GPBP1: variants seen among roughly 807,000 people sequenced by gnomAD.
The protein encoded by GPBP1 is vasculin.
A neutral mutation model predicts 56.5 loss-of-function variants in GPBP1; 13 were observed. That is an observed-to-expected ratio of 0.23 (90% CI 0.15 to 0.37). The LOEUF (loss-of-function observed/expected upper bound fraction) is 0.37, where lower values mean the gene tolerates loss of function less well. GPBP1 is among the 10% of genes least tolerant of loss of function. The probability of loss-of-function intolerance (pLI) is 1.00; values close to 1 mark genes in which losing one functional copy is unlikely to be tolerated. For missense variants in GPBP1, 477 were observed against 572.3 expected, an observed-to-expected ratio of 0.83 and a Z score of 1.70; for synonymous variants, 204 against 188.9, an observed-to-expected ratio of 1.08 and a Z score of -0.66.
At chr5:57,177,312 G>T (rs888120292) in intron 2 of GPBP1, among the ~76,000 whole-genome samples, 3 of 151,924 alleles carry the variant, frequency 2.0e-5, no homozygotes, top group African/African-American at 7.3e-5. Flanking sequence ...TAATTTTTCG[G>T]TGAATCATAG....
At chr5:57,205,116 T>G (rs1755174904) in intron 2 of GPBP1, among the ~76,000 whole-genome samples, 1 of 152,148 alleles carries the variant, frequency 6.6e-6, no homozygotes, top group African/African-American at 2.4e-5. Flanking sequence ...CATTCCACCC[T>G]CCCAACAGTC....
intron 5 of GPBP1, 145 bp from the exon 6 acceptor site, chr5:57,235,821 T>G: frequency 1.7e-6 from 1 of 601,776 alleles, no homozygotes; most frequent in East Asian, 3.1e-5. Context: ...GTTTCAGATT[T>G]TGTAGCTTTT....
chr5:57,185,779 C>T (rs368550810), intron 2 of GPBP1, among the ~76,000 whole-genome samples: 2 of 151,820 alleles, frequency 1.3e-5, no homozygotes. Flanking sequence ...GTGGGCAGAT[C>T]GCTTGAGCCC....
chr5:57,195,543 G>A (rs971450410), intron 2 of GPBP1, among the ~76,000 whole-genome samples: 2 of 152,068 alleles, frequency 1.3e-5, no homozygotes, highest in Non-Finnish European at 2.9e-5. Flanking sequence ...TGTAGTTAGC[G>A]AAGTTGTAGT....
In GPBP1 at chr5:57,249,397, A is replaced by G; in HGVS notation, c.805-12A>G. 6.4e-7 allele frequency: 1 copy of G among 1,571,794 alleles called. No homozygotes were observed. Among genetic ancestry groups the G allele is most frequent in the South Asian group, 1.2e-5 (1 of 84,824 alleles). ...GCTACATATTTATCAGTATTTCTGA[A>G]TTTCCTCTTAGTGTAATCGCTCAAA... is the stretch of plus-strand genomic sequence containing the variant. On this transcript the variant is annotated splice_polypyrimidine_tract_variant and intron_variant, in intron 8 of 11. Coordinates refer to ENST00000506184, the MANE Select transcript of GPBP1 (RefSeq NM_022913.4).
At chr5:57,237,416 T>C (rs920810616) in intron 6 of GPBP1, 3 of 469,840 alleles carry the variant, frequency 6.4e-6, no homozygotes, top group East Asian at 3.4e-5. Flanking sequence ...CAAAGACATA[T>C]TTGAAAATAA....
chr5:57,252,571 T>C (rs1400902919), intron 10 of GPBP1, among the ~76,000 whole-genome samples: 1 of 152,030 alleles, frequency 6.6e-6, no homozygotes, highest in Non-Finnish European at 1.5e-5. Context: ...TTGTATTTTT[T>C]TGTAGTGATG....
intron 2 of GPBP1, among the ~76,000 whole-genome samples, chr5:57,203,586 A>G (rs1326647715): frequency 6.6e-6 from 1 of 152,182 alleles, no homozygotes; most frequent in Non-Finnish European, 1.5e-5. Context: ...GGGATGTTCC[A>G]GTGACCCAAG....
At chr5:57,176,778 T>C (rs889719813) in intron 2 of GPBP1, among the ~76,000 whole-genome samples, 2 of 152,194 alleles carry the variant, frequency 1.3e-5, no homozygotes, top group Non-Finnish European at 2.9e-5. Flanking sequence ...GTTTGTATTC[T>C]AAATGCGTGT....
chr5:57,180,210 G>A (rs369657512), intron 2 of GPBP1, among the ~76,000 whole-genome samples: 2 of 152,184 alleles, frequency 1.3e-5, no homozygotes, highest in African/African-American at 4.8e-5. Context: ...CGCATCCCGG[G>A]TTCAAGTGAT....
At chr5:57,241,715 A>G (rs2111901028) in intron 6 of GPBP1, among the ~76,000 whole-genome samples, 1 of 152,316 alleles carries the variant, frequency 6.6e-6, no homozygotes, top group Middle Eastern at 3.4e-3. Context: ...TTGATGTAAT[A>G]AGCACATGAA....
chr5:57,209,655 A>G (rs1755389639), intron 2 of GPBP1, among the ~76,000 whole-genome samples: 2 of 152,084 alleles, frequency 1.3e-5, no homozygotes, highest in South Asian at 4.1e-4. Context: ...CAGGTTGAGC[A>G]AGTTTCCTTC....
chr5:57,201,267 C>A (rs974550351), intron 2 of GPBP1, among the ~76,000 whole-genome samples: 7 of 152,214 alleles, frequency 4.6e-5, no homozygotes, highest in African/African-American at 9.7e-5. Flanking sequence ...CTGGGACTTA[C>A]AAGTGTGTGC....
intron 2 of GPBP1, among the ~76,000 whole-genome samples, chr5:57,190,596 A>G: frequency 6.6e-6 from 1 of 151,562 alleles, no homozygotes; most frequent in East Asian, 1.9e-4. Context: ...TTAAAAAAAA[A>G]AAAAGAAAAA....
At chr5:57,238,035 A>T (rs1279402175) in intron 6 of GPBP1, among the ~76,000 whole-genome samples, 1 of 152,188 alleles carries the variant, frequency 6.6e-6, no homozygotes, top group Non-Finnish European at 1.5e-5. Flanking sequence ...CATGCAGCTT[A>T]TATCTGTGAC....
At chr5:57,259,012 G>C (rs1741779975) in intron 10 of GPBP1, among the ~76,000 whole-genome samples, 1 of 152,196 alleles carries the variant, frequency 6.6e-6, no homozygotes, top group African/African-American at 2.4e-5. Context: ...CTCTGTATTA[G>C]GTGTCATTGA....
At chr5:57,258,318 C>T (rs926337489) in intron 10 of GPBP1, among the ~76,000 whole-genome samples, 5 of 152,074 alleles carry the variant, frequency 3.3e-5, no homozygotes, top group East Asian at 3.9e-4. Flanking sequence ...TTTGTCATGG[C>T]GTGAAACTCA....
At chr5:57,208,423 G>C (rs1032530138) in intron 2 of GPBP1, among the ~76,000 whole-genome samples, 1 of 151,954 alleles carries the variant, frequency 6.6e-6, no homozygotes, top group Non-Finnish European at 1.5e-5. Flanking sequence ...TAGTAGGGAC[G>C]GGGTTCACCA....
In GPBP1 at chr5:57,187,003, AGTGTGTGT is replaced by A. The variant is rs66642664; in HGVS notation, c.-58+10632_-58+10639del. Among the ~76,000 whole-genome samples the A allele has an allele frequency of 9.2e-3, 1,350 of 146,768 alleles. 13 individuals carry two copies. Among genetic ancestry groups the A allele is most frequent in the African/African-American group, 0.028 (1,110 of 40,106 alleles). On this transcript the variant is annotated intron_variant, in intron 2 of 11. Transcript: ENST00000506184. ...GTGTGTCTATTTCTGGACTCAGAGA[AGTGTGTGT>A]GTGTGTGTGTGTGTGTGTGTGTGTG...
Sources: gnomAD v4.1 joint callset for allele counts (sites outside exome capture counted in the v4.1 genomes callset) on GRCh38, gnomAD v4.1.1 for gene constraint, MANE v1.5 for transcripts, NCBI Gene and HGNC (gene_info 2026-07-23, HGNC 2026-07-21) for gene names.